The following EPB41 variants were observed in gnomAD, a reference collection of about 807,000 sequenced individuals.
EPB41 encodes the protein erythrocyte membrane protein band 4.1, also known as protein 4.1.
A neutral mutation model predicts 108.0 loss-of-function variants in EPB41; 65 were observed. The observed-to-expected ratio is 0.60, with a 90% CI of 0.49 to 0.74. EPB41 has a LOEUF of 0.74. Ranked by LOEUF, EPB41 falls within the 30% of genes least tolerant of loss-of-function variation. EPB41 has a pLI of 0.00. For missense variants in EPB41, 875 were observed against 1,037.0 expected (o/e 0.84, Z 2.15); for synonymous variants, 336 against 358.9 (o/e 0.94, Z 0.72).
At chr1:29,041,661 A>C (rs1306158355) in intron 11 of EPB41, among the ~76,000 whole-genome samples, 1 of 151,936 alleles carries the variant, frequency 6.6e-6, no homozygotes, top group Admixed American at 6.6e-5. Context: ...AAAAAAAAAG[A>C]AGCTCAGTGG....
intron 8 of EPB41, among the ~76,000 whole-genome samples, chr1:29,031,620 T>C (rs1430749859): frequency 6.6e-6 from 1 of 152,150 alleles, no homozygotes; most frequent in Non-Finnish European, 1.5e-5. Context: ...CAGCAATCCA[T>C]TTTAAGTTCT....
chr1:28,943,206 A>G (rs190339147), intron 1 of EPB41, among the ~76,000 whole-genome samples: 3 of 152,350 alleles, frequency 2.0e-5, no homozygotes, highest in East Asian at 3.9e-4. Context: ...AGTTCCTTTG[A>G]TTCTAAGGAA....
At chr1:28,890,478 G>A (rs983048035) in intron 1 of EPB41, among the ~76,000 whole-genome samples, 24 of 152,066 alleles carry the variant, frequency 1.6e-4, no homozygotes, top group Non-Finnish European at 2.9e-4. Context: ...GTCTTCCAGC[G>A]CCTATTACTA....
At chr1:29,080,724 T>C (rs530261681) in intron 16 of EPB41, among the ~76,000 whole-genome samples, 1 of 152,292 alleles carries the variant, frequency 6.6e-6, no homozygotes, top group South Asian at 2.1e-4. Flanking sequence ...CCTATGCACA[T>C]GTTTCTTTCA....
rs145244689 is a variant in EPB41, at chr1:29,101,181, G to A, written c.2313+3246G>A. 1.1e-3 allele frequency among the ~76,000 whole-genome samples: 168 copies of A among 151,940 alleles called. 2 individuals carry two copies. The East Asian group carries it at 0.032, about 29-fold the overall frequency. Reference sequence around the variant, plus strand: ...GGAGGTTGCAGTGAGCCAACATGGCGCCATTGCACTCTAGCCTGGGCAACA... The same window carrying A: ...GGAGGTTGCAGTGAGCCAACATGGCACCATTGCACTCTAGCCTGGGCAACA... On this transcript the variant is annotated intron_variant, in intron 17 of 20. Transcript: ENST00000343067.
At chr1:29,040,966 T>C (rs1336021818) in intron 11 of EPB41, among the ~76,000 whole-genome samples, 1 of 151,582 alleles carries the variant, frequency 6.6e-6, no homozygotes, top group Admixed American at 6.6e-5. Context: ...TGAAACCCTG[T>C]CTCTAGTAAA....
intron 1 of EPB41, among the ~76,000 whole-genome samples, chr1:28,926,713 A>G (rs1412335035): frequency 2.0e-5 from 3 of 152,228 alleles, no homozygotes; most frequent in East Asian, 1.9e-4. Context: ...GAGGTACTCA[A>G]TAAATGTTAG....
intron 11 of EPB41, chr1:29,041,089 T>C (rs1641327010): frequency 6.7e-6 from 1 of 149,708 alleles, no homozygotes; most frequent in African/African-American, 2.5e-5. Context: ...TGAGCCAAGA[T>C]TGCGCCATTG....
intron 11 of EPB41, among the ~76,000 whole-genome samples, chr1:29,050,501 A>G (rs1644306299): frequency 6.6e-6 from 1 of 152,196 alleles, no homozygotes; most frequent in South Asian, 2.1e-4. Flanking sequence ...ACTGTGAGCA[A>G]AATATTTTGT....
At position 28,987,865 on chromosome 1, in the gene EPB41, C is replaced by T. The variant is rs1471909530; in HGVS notation, c.428C>T (p.Pro143Leu). The T allele has an allele frequency of 2.5e-6, 4 of 1,614,198 alleles. No homozygotes were observed. In the South Asian group the frequency reaches 3.3e-5, roughly 13 times the overall value. Residue 143 changes from proline to leucine, a missense_variant, in exon 2 of 21, where the codon CCA (proline) becomes CTA (leucine). Coordinates refer to ENST00000343067, the MANE Select transcript of EPB41 (RefSeq NM_001376013.1). Reference protein sequence around the residue: ...AAPEPELKTDPSLDLHSLSSA... With the variant: ...AAPEPELKTDLSLDLHSLSSA... ...CCTGAACCGGAACTCAAAACAGACC[C>T]ATCTTTGGATCTTCATTCATTAAGC...
chr1:29,055,930 CAAAAAAAAA>C (rs35702090), intron 12 of EPB41, among the ~76,000 whole-genome samples: 2 of 59,390 alleles, frequency 3.4e-5, no homozygotes, highest in Non-Finnish European at 5.7e-5. Context: ...AAGACTGTCT[CAAAAAAAAA>C]AAAAAAAAAA....
At chr1:29,113,034 C>A (rs1467247959) in intron 19 of EPB41, among the ~76,000 whole-genome samples, 1 of 152,134 alleles carries the variant, frequency 6.6e-6, no homozygotes, top group African/African-American at 2.4e-5. Flanking sequence ...TGCTGTGTGA[C>A]CTTGGGCAAA....
intron 17 of EPB41, among the ~76,000 whole-genome samples, chr1:29,098,288 G>A (rs561664709): frequency 3.2e-4 from 49 of 152,088 alleles, no homozygotes; most frequent in African/African-American, 1.1e-3. Context: ...TCTGCCTCCC[G>A]GGTTCACGCC....
chr1:29,040,470 AG>A (rs1641063237), intron 11 of EPB41, among the ~76,000 whole-genome samples: 1 of 151,930 alleles, frequency 6.6e-6, no homozygotes, highest in Non-Finnish European at 1.5e-5. Flanking sequence ...TAGTAGAGAC[AG>A]GGTTTCACTA....
intron 7 of EPB41, among the ~76,000 whole-genome samples, chr1:29,027,295 A>G (rs1217495916): frequency 6.6e-6 from 1 of 151,282 alleles, no homozygotes; most frequent in Admixed American, 6.6e-5. Context: ...CACCCAGCTA[A>G]AATTATTCTT....
intron 6 of EPB41, among the ~76,000 whole-genome samples, chr1:29,016,199 G>C (rs1420151547): frequency 2.4e-4 from 36 of 152,100 alleles, no homozygotes; most frequent in Non-Finnish European, 2.1e-4. Flanking sequence ...TTTTGAGACG[G>C]AGTCTCGCTC....
chr1:29,097,400 C>A, intron 16 of EPB41: 1 of 268,620 alleles, frequency 3.7e-6, no homozygotes, highest in Admixed American at 5.0e-5. Context: ...TTTCATGTAC[C>A]ATTCGTACTT....
chr1:28,915,731 CTTTTT>C (rs11321625), intron 1 of EPB41, among the ~76,000 whole-genome samples: 3 of 56,072 alleles, frequency 5.4e-5, no homozygotes, highest in Non-Finnish European at 9.3e-5. Context: ...TTTTCAGATG[CTTTTT>C]TTTTTTTTTT....
At chr1:28,932,521 A>G (rs1015571245) in intron 1 of EPB41, among the ~76,000 whole-genome samples, 4 of 148,742 alleles carry the variant, frequency 2.7e-5, no homozygotes, top group African/African-American at 7.4e-5. Context: ...AAAAAAGCAG[A>G]TATCTTTTTT....
Sources: allele counts gnomAD v4.1 joint callset (sites outside exome capture counted in the v4.1 genomes callset), GRCh38; gene constraint gnomAD v4.1.1; transcripts MANE v1.5; gene names NCBI Gene and HGNC (gene_info 2026-07-23, HGNC 2026-07-21).